Variants in SIK2 observed in about 807,000 individuals in gnomAD.
SIK2 encodes the protein salt inducible kinase 2.
Under a neutral mutation model 103.2 loss-of-function variants are expected in SIK2, and 29 were observed. That is an observed-to-expected ratio of 0.28 (90% CI 0.21 to 0.38). SIK2 has a LOEUF of 0.38. Ranked by LOEUF, SIK2 falls within the 10% of genes least tolerant of loss-of-function variation. SIK2 has a pLI of 1.00. For synonymous variants in SIK2, 412 were observed against 446.1 expected (o/e 0.92, Z 0.96); for missense variants, 879 against 1,171.0 (o/e 0.75, Z 3.64).
rs1432369914 is a variant in SIK2 at position 111,701,345 on chromosome 11, A to C, written c.604-107A>C. Reference sequence around the variant, plus strand: ...TTCTGAGAAAATAATAAATCCAGACAGGAATTTTTCAGTCCATATGATTTC... The same window carrying C: ...TTCTGAGAAAATAATAAATCCAGACCGGAATTTTTCAGTCCATATGATTTC... On this transcript the variant is annotated intron_variant, in intron 5 of 14. Coordinates refer to ENST00000304987, the MANE Select transcript of SIK2 (RefSeq NM_015191.3). The surrounding 1 kb of genome is among the most constrained non-coding windows in gnomAD (Gnocchi z 4.2). 7.2e-7 allele frequency: 1 copy of C among 1,383,124 alleles called. No individual in the cohort carries two copies. Among genetic ancestry groups the C allele is most frequent in the Non-Finnish European group, 9.7e-7 (1 of 1,033,846 alleles). The allele number at this position is 1,383,124 out of a possible 1,614,324, so 85.7% of individuals were successfully genotyped here.
intron 3 of SIK2, among the ~76,000 whole-genome samples, chr11:111,644,287 CAA>C (rs559236704): frequency 1.7e-4 from 7 of 42,010 alleles, no homozygotes; most frequent in Non-Finnish European, 2.6e-4. Context: ...GACTCCATCT[CAA>C]AAAAAAAAAA....
chr11:111,678,008 G>A (rs1942727359), intron 3 of SIK2, among the ~76,000 whole-genome samples: 1 of 152,148 alleles, frequency 6.6e-6, no homozygotes, highest in Admixed American at 6.5e-5. Flanking sequence ...AGACCCCCTT[G>A]TTAGGCCTAG....
intron 3 of SIK2, among the ~76,000 whole-genome samples, chr11:111,677,586 A>ATTTTTTTTTTTTT (rs11384906): frequency 9.0e-6 from 1 of 110,940 alleles, no homozygotes; most frequent in Non-Finnish European, 1.7e-5. Flanking sequence ...CCCAGCTAAA[A>ATTTTTTTTTTTTT]TTTTTTTTTT....
chr11:111,676,472 T>A (rs964626731), intron 3 of SIK2, among the ~76,000 whole-genome samples: 1 of 152,212 alleles, frequency 6.6e-6, no homozygotes, highest in Non-Finnish European at 1.5e-5. Context: ...TGTGAGATGG[T>A]CTCTCATTGT....
rs191125884 is a variant in SIK2 at position 111,602,858 on chromosome 11, G to A, written c.135+160G>A. Among the ~76,000 whole-genome samples, 64 of 152,266 alleles carry A rather than the reference G, an allele frequency of 4.2e-4. No homozygotes were observed. The highest frequency in any genetic ancestry group is 1.4e-3 in the African/African-American group (59 of 41,582). On this transcript the variant is annotated intron_variant, in intron 1 of 14. Transcript: ENST00000304987. This position sits in a 1 kb window ranked among gnomAD's most constrained non-coding sequence, Gnocchi z 4.5. Reference sequence around the variant, plus strand: ...GGACTGTGAGGACCCAGGAGGTGCAGGGGGTCGGTGAGCAGCGAAGGGATC... The same window carrying A: ...GGACTGTGAGGACCCAGGAGGTGCAAGGGGTCGGTGAGCAGCGAAGGGATC...
chr11:111,636,282 GTATT>G (rs1942107454), intron 3 of SIK2, among the ~76,000 whole-genome samples: 1 of 152,094 alleles, frequency 6.6e-6, no homozygotes, highest in Non-Finnish European at 1.5e-5. Context: ...TATTTCTGTT[GTATT>G]TATTTTCTTG....
At chr11:111,690,037 A>G (rs993140155) in intron 4 of SIK2, among the ~76,000 whole-genome samples, 5 of 151,996 alleles carry the variant, frequency 3.3e-5, no homozygotes, top group South Asian at 4.2e-4. Context: ...ATTTATATCA[A>G]TTTGTCATTT....
chr11:111,730,786 C>T lies in SIK2; in HGVS notation c.*6657C>T, dbSNP rs1280307069. The T allele has an allele frequency of 6.6e-6, 1 of 152,080 alleles. No homozygotes were observed. The highest frequency in any genetic ancestry group is 1.5e-5 in the Non-Finnish European group (1 of 68,012). 9.4% of individuals were successfully genotyped at this position (152,080 alleles called of 1,614,324 possible). A position where few individuals can be genotyped will look rare whatever the true frequency, so the allele number is the denominator to read the frequency against. ...GTAATTTAAATGGGGTAATTTTCTG[C>T]AAGGAAAATGTACTGTTTTTATGTT... On this transcript the variant is annotated 3_prime_UTR_variant, in exon 15 of 15. Coordinates refer to ENST00000304987, the MANE Select transcript of SIK2 (RefSeq NM_015191.3).
intron 4 of SIK2, among the ~76,000 whole-genome samples, chr11:111,691,147 G>A (rs1942933448): frequency 6.6e-6 from 1 of 152,006 alleles, no homozygotes; most frequent in African/African-American, 2.4e-5. Flanking sequence ...AATATACGTG[G>A]GTCAAATCAG....
chr11:111,721,953 C>CCCA lies in SIK2; in HGVS notation c.2055+14_2055+15insCAC. The CCCA allele has an allele frequency of 6.4e-7, 1 of 1,551,106 alleles. No individual in the cohort carries two copies. On this transcript the variant is annotated intron_variant, in intron 13 of 14. Coordinates refer to ENST00000304987, the MANE Select transcript of SIK2 (RefSeq NM_015191.3). ...GCACAGACTCCAGGTGGGTCCTTCT[C>CCCA]CTTGCGAGTCCACCTCACTCTGCTC...
chr11:111,709,839 T>C (rs1269324176), intron 8 of SIK2, among the ~76,000 whole-genome samples: 2 of 152,222 alleles, frequency 1.3e-5, no homozygotes, highest in Non-Finnish European at 2.9e-5. Context: ...CAGTCAGTTG[T>C]AGTAGTCCAG....
chr11:111,706,000 G>A lies in SIK2; in HGVS notation c.1101+861G>A, dbSNP rs767310710. Among the ~76,000 whole-genome samples the A allele has an allele frequency of 2.0e-5, 3 of 152,152 alleles. No individual in the cohort carries two copies. Among genetic ancestry groups the A allele is most frequent in the Non-Finnish European group, 2.9e-5 (2 of 68,024 alleles). On this transcript the variant is annotated intron_variant, in intron 8 of 14. Coordinates refer to ENST00000304987, the MANE Select transcript of SIK2 (RefSeq NM_015191.3). The surrounding 1 kb of genome is among the most constrained non-coding windows in gnomAD (Gnocchi z 4.3). The stretch of plus-strand genomic sequence containing the variant: ...CTCTGTATGAAGTTAGCAATGGTTC[G>A]GAGAGGCAGCTCAGTGTGGTGGTTA...
intron 3 of SIK2, among the ~76,000 whole-genome samples, chr11:111,645,110 G>A (rs768001283): frequency 1.5e-4 from 23 of 152,178 alleles, no homozygotes; most frequent in Non-Finnish European, 1.0e-4. Flanking sequence ...GTAGCAACAA[G>A]TGCTGTGGAG....
chr11:111,628,229 C>T (rs1319997589), intron 3 of SIK2, among the ~76,000 whole-genome samples: 1 of 152,068 alleles, frequency 6.6e-6, no homozygotes, highest in African/African-American at 2.4e-5. Context: ...ACCAACCTTC[C>T]TTTCTTTCTG....
chr11:111,614,627 G>A (rs1179751843), intron 1 of SIK2, among the ~76,000 whole-genome samples: 2 of 152,188 alleles, frequency 1.3e-5, no homozygotes, highest in Non-Finnish European at 2.9e-5. Context: ...GGCTGAGGAG[G>A]AGGAGAAAGA....
At chr11:111,677,136 G>T (rs1215860745) in intron 3 of SIK2, among the ~76,000 whole-genome samples, 2 of 152,178 alleles carry the variant, frequency 1.3e-5, no homozygotes, top group Non-Finnish European at 2.9e-5. Flanking sequence ...CCATCCAGAT[G>T]ACATCATCAT....
intron 3 of SIK2, among the ~76,000 whole-genome samples, chr11:111,635,553 A>G (rs1375970265): frequency 2.6e-5 from 4 of 152,178 alleles, no homozygotes; most frequent in African/African-American, 9.6e-5. Flanking sequence ...TCAACTTTCT[A>G]CGCCTAAATA....
At chr11:111,622,592 C>T (rs963236756) in intron 3 of SIK2, among the ~76,000 whole-genome samples, 1 of 152,202 alleles carries the variant, frequency 6.6e-6, no homozygotes, top group African/African-American at 2.4e-5. Flanking sequence ...TAGCACAGAT[C>T]TGCTGGTGAT....
At chr11:111,622,799 T>G (rs1286969847) in intron 3 of SIK2, among the ~76,000 whole-genome samples, 2 of 152,204 alleles carry the variant, frequency 1.3e-5, no homozygotes, top group African/African-American at 4.8e-5. Context: ...CCTGTGTATA[T>G]AATGTGCCTT....
Sources: gnomAD v4.1 joint callset for allele counts (sites outside exome capture counted in the v4.1 genomes callset) on GRCh38, gnomAD v4.1.1 for gene constraint, Gnocchi (gnomAD v3.1) non-coding constraint, MANE v1.5 for transcripts, NCBI Gene and HGNC (gene_info 2026-07-23, HGNC 2026-07-21) for gene names.